MADD: variants seen among roughly 807,000 people sequenced by gnomAD.
MADD encodes MAP kinase-activating death domain protein.
MADD carries 109 observed loss-of-function variants against 176.7 expected under a neutral mutation model. That is an observed-to-expected ratio of 0.62 (90% CI 0.53 to 0.72). MADD has a LOEUF of 0.72. Among genes scored for constraint, MADD ranks in the 30% least tolerant of loss-of-function variants. The pLI, the probability that MADD is intolerant of heterozygous loss-of-function variation, is 0.00. For missense variants in MADD, 1,914 were observed against 2,045.5 expected, an observed-to-expected ratio of 0.94 and a Z score of 1.24; for synonymous variants, 771 against 771.3, an observed-to-expected ratio of 1.00 and a Z score of 0.01.
chr11:47,290,645 G>A, exon 19 of MADD: 6 of 1,614,042 alleles, frequency 3.7e-6, no homozygotes, highest in Non-Finnish European at 5.1e-6. Flanking sequence ...AACAGAAAGT[G>A]TAAATACCCC....
chr11:47,273,682 C>G (rs188288378), intron 1 of MADD, 145 bp from the exon 2 acceptor site: 2 of 448,616 alleles, frequency 4.5e-6, no homozygotes, highest in South Asian at 6.0e-5. Flanking sequence ...AGCCTAGACA[C>G]GAGGCTAGGC....
At chr11:47,313,575 C>T (rs995392529) in intron 26 of MADD, among the ~76,000 whole-genome samples, 1 of 152,038 alleles carries the variant, frequency 6.6e-6, no homozygotes, top group Non-Finnish European at 1.5e-5. Flanking sequence ...ATCCGCCCAC[C>T]TTGGCCTTCC....
At chr11:47,299,213 T>C (rs911136785) in intron 22 of MADD, among the ~76,000 whole-genome samples, 6 of 152,182 alleles carry the variant, frequency 3.9e-5, no homozygotes, top group Non-Finnish European at 7.3e-5. Context: ...AGAATACCGT[T>C]GGTATTTTGG....
At chr11:47,299,985 C>T (rs1435038021) in intron 22 of MADD, among the ~76,000 whole-genome samples, 1 of 152,124 alleles carries the variant, frequency 6.6e-6, no homozygotes, top group Non-Finnish European at 1.5e-5. Flanking sequence ...AAACTTTCAT[C>T]TTTCCCCATT....
At chr11:47,300,452 C>A (rs1247181874) in intron 22 of MADD, among the ~76,000 whole-genome samples, 1 of 127,078 alleles carries the variant, frequency 7.9e-6, no homozygotes, top group East Asian at 3.7e-4. Flanking sequence ...AGTGATCTAC[C>A]CCCCGCCCGC....
At chr11:47,276,766 C>A in exon 5 of MADD, 1 of 1,614,214 alleles carries the variant, frequency 6.2e-7, no homozygotes, top group South Asian at 1.1e-5. Context: ...AATGCACTCT[C>A]CATGTCTGTG....
intron 10 of MADD, among the ~76,000 whole-genome samples, chr11:47,283,514 G>GCCTCCGCCTC (rs1304171388): frequency 1.3e-5 from 2 of 152,136 alleles, no homozygotes; most frequent in East Asian, 3.9e-4. Flanking sequence ...TGATTCTCCT[G>GCCTCCGCCTC]CCTCCGCCTC....
chr11:47,294,669 C>CAAAAAA (rs58253961), intron 20 of MADD, among the ~76,000 whole-genome samples: 9 of 55,992 alleles, frequency 1.6e-4, no homozygotes, highest in East Asian at 4.7e-4. Flanking sequence ...GACTCCGTCT[C>CAAAAAA]AAAAAAAAAA....
At chr11:47,327,358 A>T in intron 31 of MADD, 1 of 985,344 alleles carries the variant, frequency 1.0e-6, no homozygotes. Context: ...GTGGGTTCTC[A>T]CCCTGGGGCT....
At chr11:47,290,468 T>G (rs2064199174) in intron 18 of MADD, 142 bp from the exon 20 acceptor site, 4 of 1,254,002 alleles carry the variant, frequency 3.2e-6, no homozygotes, top group Admixed American at 2.6e-5. Flanking sequence ...GTATTCTTTG[T>G]TACGAAAAAT....
chr11:47,314,312 C>G (rs555030434), intron 26 of MADD, among the ~76,000 whole-genome samples: 3 of 151,678 alleles, frequency 2.0e-5, no homozygotes, highest in East Asian at 2.0e-4. Flanking sequence ...TGGGCTCAAA[C>G]GGTACTCCTG....
At chr11:47,282,661 C>T in intron 9 of MADD, 45 bp downstream of exon 9, 1 of 1,600,502 alleles carries the variant, frequency 6.2e-7, no homozygotes, top group Non-Finnish European at 8.6e-7. Context: ...GTGCCTCTGT[C>T]CTCCTGATGG....
chr11:47,309,131 C>A, intron 23 of MADD, 89 bp downstream of exon 26: 1 of 1,545,180 alleles, frequency 6.5e-7, no homozygotes, highest in Non-Finnish European at 8.9e-7. Context: ...TGGTGGCAGG[C>A]ATGTTAGATC....
rs77140066 is a variant in MADD at position 47,306,242 on chromosome 11, A to G, written c.3643-2349A>G. ...CACTTGGCCCCTTGGGGAATCATGT[A>G]ATAGCTGCTCACAGCTTGGCTTAGA... On this transcript the variant is annotated intron_variant, in intron 22 of 32. Transcript: ENST00000402192. Among the ~76,000 whole-genome samples the G allele has an allele frequency of 1.7e-3, 265 of 152,268 alleles. 1 individual carries two copies. Among genetic ancestry groups the G allele is most frequent in the Non-Finnish European group, 3.1e-3 (212 of 68,012 alleles).
intron 22 of MADD, among the ~76,000 whole-genome samples, chr11:47,301,090 A>G (rs1417438973): frequency 1.3e-5 from 2 of 149,070 alleles, no homozygotes; most frequent in East Asian, 3.9e-4. Flanking sequence ...CTTTACAAAG[A>G]TGAACTTTTC....
chr11:47,276,631 A>G, intron 4 of MADD, 101 bp from the exon 5 acceptor site: 2 of 1,422,444 alleles, frequency 1.4e-6, no homozygotes, highest in Non-Finnish European at 1.9e-6. Flanking sequence ...CTGGAGCTGT[A>G]GGCTCGATGA....
chr11:47,329,588 C>T (rs1451274833), exon 33 of MADD: 1 of 163,660 alleles, frequency 6.1e-6, no homozygotes, highest in Non-Finnish European at 1.3e-5. Flanking sequence ...GGCTCACCCT[C>T]TCAGAGGAAG....
At chr11:47,299,584 G>GTTTTT (rs1565442765) in intron 22 of MADD, among the ~76,000 whole-genome samples, 1 of 65,234 alleles carries the variant, frequency 1.5e-5, no homozygotes, top group South Asian at 5.2e-4. Context: ...AGATTTTAGG[G>GTTTTT]CTTTTTTTTT....
At position 47,278,993 on chromosome 11, in the gene MADD, G is replaced by A; in HGVS notation, c.1210-6G>A. On this transcript the variant is annotated splice_polypyrimidine_tract_variant and splice_region_variant and intron_variant, in intron 6 of 32. Transcript: ENST00000402192. ...GGTCACGTCTTTTATCATTTCTCTGGTGCAGGTGATTGCCCCCACCAATGC... is the reference window on the plus strand; with the variant it reads ...GGTCACGTCTTTTATCATTTCTCTGATGCAGGTGATTGCCCCCACCAATGC... The A allele has an allele frequency of 6.2e-7, 1 of 1,613,474 alleles. No individual in the cohort carries two copies. Among genetic ancestry groups the A allele is most frequent in the Non-Finnish European group, 8.5e-7 (1 of 1,179,590 alleles).
Sources: gnomAD v4.1 joint callset for allele counts (sites outside exome capture counted in the v4.1 genomes callset) on GRCh38, gnomAD v4.1.1 for gene constraint, MANE v1.5 for transcripts, NCBI Gene and HGNC (gene_info 2026-07-23, HGNC 2026-07-21) for gene names.